LTF: variants seen among roughly 807,000 people sequenced by gnomAD.
LTF encodes the protein epididymis luminal protein 110.
A neutral mutation model predicts 87.2 loss-of-function variants in LTF; 91 were observed. The ratio of observed to expected loss-of-function variants is 1.04; its 90% confidence interval spans 0.88 to 1.24. The LOEUF (loss-of-function observed/expected upper bound fraction) is 1.24, where lower values mean the gene tolerates loss of function less well. Ranked by LOEUF, LTF falls within the 50% of genes most tolerant of loss-of-function variation. The pLI, the probability that LTF is intolerant of heterozygous loss-of-function variation, is 0.00. For missense variants in LTF, 901 were observed against 904.3 expected (o/e 1.00, Z 0.05); for synonymous variants, 378 against 356.1 (o/e 1.06, Z -0.69).
intron 8 of LTF, 142 bp downstream of exon 8, chr3:46,449,712 G>T: frequency 1.2e-6 from 1 of 835,720 alleles, no homozygotes; most frequent in Non-Finnish European, 1.9e-6. Context: ...CTAATCCACA[G>T]AAGACACTCA....
In LTF at chr3:46,441,441, A is replaced by G; in HGVS notation, c.1698T>C (p.Asp566=). The change falls in exon 14 of 17, where the codon GAT becomes GAC. Residue 566 remains aspartate (D), a synonymous_variant. Transcript: ENST00000231751. ...ENAGDVAFVK[D]VTVLQNTDGN... ...CATCAGTGTTCTGCAAGACAGTGAC[A>G]TCTTTCACAAATGCAACGTCTCCAG... is the stretch of plus-strand genomic sequence containing the variant. The G allele has an allele frequency of 1.2e-6, 2 of 1,613,904 alleles. No homozygotes were observed.
At chr3:46,476,634 G>T (rs562624525) in intron 1 of LTF, among the ~76,000 whole-genome samples, 1 of 152,016 alleles carries the variant, frequency 6.6e-6, no homozygotes, top group African/African-American at 2.4e-5. Flanking sequence ...TGAACACCTC[G>T]CTAAAAAACA....
chr3:46,451,047 C>A (rs1029610466), intron 6 of LTF, among the ~76,000 whole-genome samples: 28 of 152,168 alleles, frequency 1.8e-4, no homozygotes, highest in African/African-American at 6.8e-4. Context: ...TTACTCACAT[C>A]TCTGGGAAGA....
rs972151910 is a variant in LTF at position 46,455,569 on chromosome 3, T to C, written c.500-127A>G. ...CACCCCTGCAGGAGAGACTCTGTCA[T>C]GGGGCTGGGAGCTCGAGACATGCAC... On this transcript the variant is annotated intron_variant, in intron 4 of 16. Coordinates refer to ENST00000231751, the MANE Select transcript of LTF (RefSeq NM_002343.6). The C allele has an allele frequency of 1.1e-5, 14 of 1,268,564 alleles. No individual in the cohort carries two copies. In the African/African-American group the frequency reaches 1.2e-4, roughly 11 times the overall value. The allele number at this position is 1,268,564 out of a possible 1,614,324, so 78.6% of individuals were successfully genotyped here.
At chr3:46,441,266 T>C (rs1253220193) in intron 14 of LTF, 150 bp downstream of exon 14, 11 of 605,266 alleles carry the variant, frequency 1.8e-5, no homozygotes, top group African/African-American at 5.7e-5. Flanking sequence ...TGTTATCATG[T>C]TGTCTATTGA....
intron 11 of LTF, 37 bp from the exon 12 acceptor site, chr3:46,445,473 T>C (rs918370948): frequency 2.8e-5 from 44 of 1,578,152 alleles, no homozygotes; most frequent in Non-Finnish European, 3.7e-5. Context: ...AGTCTTAACC[T>C]CCAGGAGGCC....
chr3:46,466,056 T>C (rs556601871), upstream of LTF, among the ~76,000 whole-genome samples: 8 of 152,142 alleles, frequency 5.3e-5, no homozygotes, highest in South Asian at 1.5e-3. Context: ...CTGGGCAACA[T>C]AGGGAAACCC....
chr3:46,460,086 G>A (rs1703042722), intron 1 of LTF, among the ~76,000 whole-genome samples: 1 of 152,164 alleles, frequency 6.6e-6, no homozygotes, highest in Non-Finnish European at 1.5e-5. Flanking sequence ...ACTTTGACAT[G>A]TTTCCTACCA....
chr3:46,477,645 C>T (rs935739512), intron 1 of LTF, among the ~76,000 whole-genome samples: 2 of 152,180 alleles, frequency 1.3e-5, no homozygotes, highest in African/African-American at 4.8e-5. Context: ...TATAAAGATG[C>T]TTAGAACAGT....
At chr3:46,459,959 C>G in intron 1 of LTF, 140 bp from the exon 2 acceptor site, 1 of 529,486 alleles carries the variant, frequency 1.9e-6, no homozygotes, top group Non-Finnish European at 3.1e-6. Context: ...TATGTCCAGC[C>G]ATTCTCCACA....
At chr3:46,470,233 C>T (rs1249107685) in intron 2 of LTF, 1 of 152,420 alleles carries the variant, frequency 6.6e-6, no homozygotes, top group Non-Finnish European at 1.5e-5. Context: ...AGGTCAGGCC[C>T]TGGGGGAGAG....
Position 46,455,797 on chromosome 3 carries a change from T to C in LTF, c.498A>G (p.Ala166=). 1.3e-6 allele frequency: 2 copies of C among 1,560,082 alleles called. No individual in the cohort carries two copies. The highest frequency in any genetic ancestry group is 1.2e-5 in the South Asian group (1 of 82,032). The change falls in exon 4 of 17, where the codon GCA becomes GCG. Residue 166 remains alanine (A), a splice_region_variant and synonymous_variant. Coordinates refer to ENST00000231751, the MANE Select transcript of LTF (RefSeq NM_002343.6). ...NWTGPPEPIE[A]AVARFFSASC... is the part of the protein sequence containing the mutation. ...CTCACTATCCCCCAGCCATCTTACC[T>C]GCCTCAATGGGCTCAGGTGGACCCG...
intron 1 of LTF, among the ~76,000 whole-genome samples, chr3:46,481,572 G>A (rs549745461): frequency 3.9e-5 from 6 of 152,264 alleles, no homozygotes; most frequent in East Asian, 3.9e-4. Context: ...CCAACATGGC[G>A]AAACCCCATC....
intron 9 of LTF, 68 bp downstream of exon 9, chr3:46,448,795 T>C: frequency 6.3e-7 from 1 of 1,575,144 alleles, no homozygotes; most frequent in Non-Finnish European, 8.6e-7. Flanking sequence ...GACTTCACTT[T>C]AAGCAGATGC....
At chr3:46,450,383 ATCCTGCAGCAAAGCTACAGGAC>A in intron 7 of LTF, 90 bp downstream of exon 7, 5 of 1,150,710 alleles carry the variant, frequency 4.3e-6, no homozygotes, top group Non-Finnish European at 5.1e-6. Flanking sequence ...TTAGTGTGCT[ATCCTGCAGCAAAGCTACAGGAC>A]TTCTGGAGTG....
intron 1 of LTF, among the ~76,000 whole-genome samples, chr3:46,472,315 A>G (rs1390733323): frequency 6.6e-6 from 1 of 152,070 alleles, no homozygotes; most frequent in Admixed American, 6.6e-5. Context: ...TCTCGGGGGC[A>G]TCCTGTCCAC....
chr3:46,447,201 G>T, intron 10 of LTF, 107 bp downstream of exon 10: 1 of 762,584 alleles, frequency 1.3e-6, no homozygotes. Flanking sequence ...CCTTTTGAAT[G>T]TATCTGTTCA....
At chr3:46,449,564 T>G (rs1394504571) in intron 8 of LTF, among the ~76,000 whole-genome samples, 1 of 152,158 alleles carries the variant, frequency 6.6e-6, no homozygotes, top group African/African-American at 2.4e-5. Context: ...CCCGGATTCA[T>G]CCAGGAGGGG....
rs1408788353 is a variant in LTF at position 46,455,870 on chromosome 3, G to C, written c.425C>G (p.Ala142Gly). The C allele has an allele frequency of 5.0e-6, 8 of 1,613,470 alleles. No individual in the cohort carries two copies. The highest frequency in any genetic ancestry group is 5.9e-6 in the Non-Finnish European group (7 of 1,179,820). Residue 142 changes from alanine (A) to glycine (G), a missense_variant, in exon 4 of 17, where the codon GCT (alanine) becomes GGT (glycine). Transcript: ENST00000231751. ...KSCHTGLRRT[A>G]GWNVPIGTLR... ...TGTCCCTATAGGGACATTCCATCCAGCGGTCCTGCGAAGGCCTGTGTGGCA... is the reference window on the plus strand; with the variant it reads ...TGTCCCTATAGGGACATTCCATCCACCGGTCCTGCGAAGGCCTGTGTGGCA...
Sources: allele counts gnomAD v4.1 joint callset (sites outside exome capture counted in the v4.1 genomes callset), GRCh38; gene constraint gnomAD v4.1.1; transcripts MANE v1.5; gene names NCBI Gene and HGNC (gene_info 2026-07-23, HGNC 2026-07-21).